Variants in TBX20 observed in about 807,000 individuals in gnomAD.
The protein encoded by TBX20 is T-box transcription factor TBX20.
A neutral mutation model predicts 42.9 loss-of-function variants in TBX20; 8 were observed. That is an observed-to-expected ratio of 0.19 (90% confidence interval 0.11 to 0.34). The LOEUF (loss-of-function observed/expected upper bound fraction) is 0.34. Among genes scored for constraint, TBX20 ranks in the 10% least tolerant of loss-of-function variants. The pLI, the probability that TBX20 is intolerant of heterozygous loss-of-function variation, is 1.00. For missense variants in TBX20, 411 were observed against 566.0 expected, an observed-to-expected ratio of 0.73 and a Z score of 2.78; for synonymous variants, 198 against 222.8, an observed-to-expected ratio of 0.89 and a Z score of 0.99.
rs61706700 is a variant in TBX20 at position 35,245,319 on chromosome 7, GGT to G, written c.546-264_546-263del. On this transcript the variant is annotated intron_variant, in intron 3 of 7. Coordinates refer to ENST00000408931, the MANE Select transcript of TBX20 (RefSeq NM_001077653.2). ...AGCTGAGCAAGGCATTGTTTAAAGG[GGT>G]GTGTGTGTGTGTGTGTGTGTGTGTG... is the stretch of plus-strand genomic sequence containing the variant. Among the ~76,000 whole-genome samples, 329 of 146,492 alleles carry G rather than the reference GGT, an allele frequency of 2.2e-3. 1 individual carries two copies. The highest frequency in any genetic ancestry group is 7.8e-3 in the African/African-American group (308 of 39,576).
intron 5 of TBX20, among the ~76,000 whole-genome samples, chr7:35,237,960 T>C (rs1789998807): frequency 6.6e-6 from 1 of 152,082 alleles, no homozygotes; most frequent in Non-Finnish European, 1.5e-5. Context: ...AAGTTCTGCT[T>C]CTTTGGGAAC....
intron 6 of TBX20, among the ~76,000 whole-genome samples, chr7:35,223,567 G>A (rs903950621): frequency 2.6e-5 from 4 of 152,156 alleles, no homozygotes; most frequent in Admixed American, 1.3e-4. Context: ...AAAAACAGAA[G>A]ACTGAGTGGT....
intron 4 of TBX20, among the ~76,000 whole-genome samples, chr7:35,243,434 A>G (rs1790120594): frequency 6.6e-6 from 1 of 152,186 alleles, no homozygotes; most frequent in Non-Finnish European, 1.5e-5. Context: ...CTGATGCTAA[A>G]AGGAAAGCAT....
intron 6 of TBX20, among the ~76,000 whole-genome samples, chr7:35,217,854 G>C (rs908597865): frequency 1.3e-5 from 2 of 152,122 alleles, no homozygotes; most frequent in African/African-American, 4.8e-5. Context: ...CCGAGTAGCT[G>C]GGATTACAGG....
intron 4 of TBX20, among the ~76,000 whole-genome samples, chr7:35,241,727 C>T (rs1241263789): frequency 6.6e-6 from 1 of 152,166 alleles, no homozygotes; most frequent in Non-Finnish European, 1.5e-5. Flanking sequence ...AAACTTGAAT[C>T]ATGATAGCCA....
At chr7:35,244,089 C>T (rs767927006) in intron 4 of TBX20, among the ~76,000 whole-genome samples, 2 of 152,024 alleles carry the variant, frequency 1.3e-5, no homozygotes, top group African/African-American at 4.8e-5. Flanking sequence ...TAAATATGTA[C>T]AATTATTATG....
intron 1 of TBX20, among the ~76,000 whole-genome samples, chr7:35,252,467 T>C (rs547118289): frequency 6.6e-6 from 1 of 152,194 alleles, no homozygotes; most frequent in African/African-American, 2.4e-5. Context: ...ATTTTACTTC[T>C]CTCATCTTTA....
chr7:35,248,535 A>G, intron 3 of TBX20, 142 bp downstream of exon 3: 4 of 875,792 alleles, frequency 4.6e-6, no homozygotes, highest in African/African-American at 1.6e-5. Flanking sequence ...TGTGTAGTCA[A>G]TCCTGGAGTG....
In TBX20 at chr7:35,249,292, T is replaced by C. The variant is rs1013255398; in HGVS notation, c.381-451A>G. On this transcript the variant is annotated intron_variant, in intron 2 of 7. Transcript: ENST00000408931. The surrounding 1 kb of genome is among the most constrained non-coding windows in gnomAD (Gnocchi z 4.3). ...CAAAAGCAGAGGTTTCTGGGAAGGA[T>C]TTCTCAGATGCCCTGCAGGTATTTT... Among the ~76,000 whole-genome samples, 1 of 152,130 alleles carries C rather than the reference T, an allele frequency of 6.6e-6. No homozygotes were observed. Among genetic ancestry groups the C allele is most frequent in the Non-Finnish European group, 1.5e-5 (1 of 68,036 alleles).
At chr7:35,253,403 C>G in intron 1 of TBX20, 91 bp downstream of exon 1, 1 of 1,457,356 alleles carries the variant, frequency 6.9e-7, no homozygotes, top group Non-Finnish European at 9.4e-7. Context: ...GCTTGAGCAT[C>G]AGACGTTGCT....
chr7:35,245,654 A>G (rs1790169326), intron 3 of TBX20, among the ~76,000 whole-genome samples: 1 of 152,208 alleles, frequency 6.6e-6, no homozygotes, highest in Admixed American at 6.5e-5. Context: ...TTCCTGTTAC[A>G]TTAAACACTA....
At chr7:35,246,256 G>C (rs1340255194) in intron 3 of TBX20, among the ~76,000 whole-genome samples, 2 of 152,160 alleles carry the variant, frequency 1.3e-5, no homozygotes, top group Non-Finnish European at 2.9e-5. Flanking sequence ...AACTGTAAAG[G>C]CTTCAGGCAT....
intron 5 of TBX20, among the ~76,000 whole-genome samples, chr7:35,231,872 T>C (rs1789873025): frequency 6.6e-6 from 1 of 152,116 alleles, no homozygotes; most frequent in Non-Finnish European, 1.5e-5. Flanking sequence ...GGGTGTGCAG[T>C]ATTTAATATA....
At chr7:35,236,234 T>C (rs1012890492) in intron 5 of TBX20, among the ~76,000 whole-genome samples, 7 of 151,546 alleles carry the variant, frequency 4.6e-5, no homozygotes, top group African/African-American at 9.7e-5. Context: ...CACATAAAAA[T>C]AGCAGTCATA....
intron 6 of TBX20, among the ~76,000 whole-genome samples, chr7:35,210,203 C>T (rs751274414): frequency 2.0e-5 from 3 of 151,342 alleles, no homozygotes; most frequent in African/African-American, 2.4e-5. Flanking sequence ...CAAGCTCTGC[C>T]TCCCGGGTTC....
In TBX20 at chr7:35,204,551, A is replaced by C. The variant is rs200401746; in HGVS notation, c.922T>G (p.Ser308Ala). The C allele has an allele frequency of 1.2e-6, 2 of 1,613,932 alleles. No individual in the cohort carries two copies. The highest frequency in any genetic ancestry group is 1.7e-6 in the Non-Finnish European group (2 of 1,179,882). Residue 308 changes from serine (S) to alanine (A), a missense_variant, in exon 7 of 8, where the codon TCC (serine) becomes GCC (alanine). By Grantham distance (99) the Ser-to-Ala change is moderately conservative. Transcript: ENST00000408931. Reference protein sequence around the residue: ...ESVESLIQKHSYARSPIRTYG... With the variant: ...ESVESLIQKHAYARSPIRTYG... ...GTACGGATGGGTGAGCGTGCATAGGAATGCTTTTGAATCAGGCTCTCCACA... is the reference window on the plus strand; with the variant it reads ...GTACGGATGGGTGAGCGTGCATAGGCATGCTTTTGAATCAGGCTCTCCACA...
intron 4 of TBX20, 150 bp downstream of exon 4, chr7:35,244,799 A>T: frequency 1.5e-6 from 1 of 653,650 alleles, no homozygotes; most frequent in Non-Finnish European, 2.8e-6. Flanking sequence ...AGGTCCCCTG[A>T]AGAACACATA....
At chr7:35,248,565 C>A in intron 3 of TBX20, 112 bp downstream of exon 3, 1 of 1,234,152 alleles carries the variant, frequency 8.1e-7, no homozygotes, top group African/African-American at 1.5e-5. Context: ...GGAATGCTCT[C>A]TTGCCAGAGC....
rs1014291877 is a variant in TBX20 at position 35,250,624 on chromosome 7, C to T, written c.128-421G>A. Among the ~76,000 whole-genome samples the T allele has an allele frequency of 3.3e-5, 5 of 152,132 alleles. No homozygotes were observed. The East Asian group carries it at 5.8e-4, about 18-fold the overall frequency. On this transcript the variant is annotated intron_variant, in intron 1 of 7. Coordinates refer to ENST00000408931, the MANE Select transcript of TBX20 (RefSeq NM_001077653.2). Reference sequence around the variant, plus strand: ...GACAACCAGGAGAACTTTTTCTCAACGGAGACAAAGGGAGTGAAGAGATCA... The same window carrying T: ...GACAACCAGGAGAACTTTTTCTCAATGGAGACAAAGGGAGTGAAGAGATCA...
Sources: allele counts gnomAD v4.1 joint callset (sites outside exome capture counted in the v4.1 genomes callset), GRCh38; gene constraint gnomAD v4.1.1; non-coding constraint Gnocchi (gnomAD v3.1); transcripts MANE v1.5; gene names NCBI Gene and HGNC (gene_info 2026-07-23, HGNC 2026-07-21).